The following NTRK2 variants were observed in gnomAD, a reference collection of about 807,000 sequenced individuals.
NTRK2 encodes BDNF/NT-3 growth factors receptor.
In NTRK2, 13 loss-of-function variants were observed where a neutral mutation model predicts 94.5. The observed-to-expected ratio is 0.14, with a 90% CI of 0.09 to 0.22. The LOEUF (loss-of-function observed/expected upper bound fraction) is 0.22, where lower values mean the gene tolerates loss of function less well. Among genes scored for constraint, NTRK2 ranks in the 10% least tolerant of loss-of-function variants. The probability of loss-of-function intolerance (pLI) is 1.00; values close to 1 mark genes in which losing one functional copy is unlikely to be tolerated. For missense variants in NTRK2, 639 were observed against 1,071.2 expected (o/e 0.60, Z 5.63); for synonymous variants, 372 against 407.4 (o/e 0.91, Z 1.05).
At chr9:84,745,225 C>A in intron 11 of NTRK2, 152 bp downstream of exon 11, 1 of 709,930 alleles carries the variant, frequency 1.4e-6, no homozygotes, top group Non-Finnish European at 2.6e-6. Flanking sequence ...AAAGGCTTAA[C>A]AAAAGTGATA....
At chr9:84,748,416 A>G (rs965015476) in intron 11 of NTRK2, among the ~76,000 whole-genome samples, 2 of 152,250 alleles carry the variant, frequency 1.3e-5, no homozygotes, top group Non-Finnish European at 2.9e-5. Context: ...CCCATTTTCT[A>G]GGTTGACTTA....
chr9:84,978,772 C>G (rs981067530), intron 17 of NTRK2, among the ~76,000 whole-genome samples: 7 of 152,220 alleles, frequency 4.6e-5, no homozygotes, highest in Admixed American at 1.3e-4. Context: ...TCAGCTGACT[C>G]TCTTGTTAGG....
intron 14 of NTRK2, among the ~76,000 whole-genome samples, chr9:84,917,820 C>T (rs544870845): frequency 1.6e-4 from 25 of 152,250 alleles, no homozygotes; most frequent in South Asian, 6.2e-4. Context: ...AACAGTCAGG[C>T]GCCAGAGAGA....
At chr9:84,702,611 G>A (rs1215342809) in intron 4 of NTRK2, among the ~76,000 whole-genome samples, 192 bp downstream of exon 4, 1 of 152,138 alleles carries the variant, frequency 6.6e-6, no homozygotes, top group Non-Finnish European at 1.5e-5. Context: ...CTTAGAACAG[G>A]CTGTTTATTC....
At chr9:84,824,025 G>A (rs920959279) in intron 12 of NTRK2, among the ~76,000 whole-genome samples, 1 of 152,220 alleles carries the variant, frequency 6.6e-6, no homozygotes, top group Non-Finnish European at 1.5e-5. Context: ...GCAGGAGTAT[G>A]ATTTGAGCCA....
intron 12 of NTRK2, among the ~76,000 whole-genome samples, chr9:84,804,178 C>A (rs961291431): frequency 2.0e-5 from 3 of 152,108 alleles, no homozygotes; most frequent in Non-Finnish European, 4.4e-5. Flanking sequence ...ATTTATCTTC[C>A]TGTTTTGGAG....
At chr9:84,882,722 G>GCGCGCGCGCGCA (rs2076296330) in intron 14 of NTRK2, among the ~76,000 whole-genome samples, 1 of 149,808 alleles carries the variant, frequency 6.7e-6, no homozygotes, top group Non-Finnish European at 1.5e-5. Context: ...GTGTGTGTGC[G>GCGCGCGCGCGCA]CGCGCGCGCG....
chr9:84,945,091 C>G lies in NTRK2; in HGVS notation c.1765-3371C>G, dbSNP rs1024147492. Among the ~76,000 whole-genome samples, 6 of 152,278 alleles carry G rather than the reference C, an allele frequency of 3.9e-5. No individual in the cohort carries two copies. In the East Asian group the frequency reaches 7.7e-4, roughly 20 times the overall value. On this transcript the variant is annotated intron_variant, in intron 15 of 18. Transcript: ENST00000277120. ...CTGGAAGGGGAACACAAGTTTGGGG[C>G]CAACTCTCCAGGAGAGAGTGCATTT...
intron 12 of NTRK2, among the ~76,000 whole-genome samples, chr9:84,789,119 G>A (rs1316553640): frequency 6.6e-6 from 1 of 152,186 alleles, no homozygotes; most frequent in Non-Finnish European, 1.5e-5. Flanking sequence ...GAACAGCTAG[G>A]TTCTGATTTG....
chr9:84,898,276 C>A (rs922621042), intron 14 of NTRK2, among the ~76,000 whole-genome samples: 8 of 152,270 alleles, frequency 5.3e-5, no homozygotes, highest in Non-Finnish European at 4.4e-5. Flanking sequence ...CAGAAGTCAA[C>A]TCCAGTTTAC....
chr9:84,995,690 T>C (rs113680529), intron 17 of NTRK2, among the ~76,000 whole-genome samples: 3,650 of 152,304 alleles, frequency 0.024, 79 homozygotes, highest in Middle Eastern at 0.051. Flanking sequence ...CTAAATATAC[T>C]ACATATATAA....
rs565900560 is a variant in NTRK2, at chr9:84,952,162, C to T, written c.1938-3121C>T. On this transcript the variant is annotated intron_variant, in intron 16 of 18. Coordinates refer to ENST00000277120, the MANE Select transcript of NTRK2 (RefSeq NM_006180.6). ...CATCCTTGCCGTCATTCCTACGTTA[C>T]AGTTGGGGAAACTGAATCACACAGG... 1.1e-4 allele frequency among the ~76,000 whole-genome samples: 17 copies of T among 152,340 alleles called. No individual in the cohort carries two copies. The South Asian group carries it at 3.5e-3, about 32-fold the overall frequency.
intron 12 of NTRK2, among the ~76,000 whole-genome samples, chr9:84,818,379 A>G (rs1032353359): frequency 6.6e-6 from 1 of 152,186 alleles, no homozygotes; most frequent in Non-Finnish European, 1.5e-5. Flanking sequence ...CACTCCTACT[A>G]GCACTGGCAG....
Position 84,839,631 on chromosome 9 carries a change from G to C in NTRK2, c.1397-21409G>C, listed in dbSNP as rs534402464. ...CAGGCCATGTGCTGAATCGGGCTGA[G>C]CGTTAGTTTTTATGATGTGGAGCTG... On this transcript the variant is annotated intron_variant, in intron 12 of 18. Coordinates refer to ENST00000277120, the MANE Select transcript of NTRK2 (RefSeq NM_006180.6). Among the ~76,000 whole-genome samples, 7 of 152,306 alleles carry C rather than the reference G, an allele frequency of 4.6e-5. No homozygotes were observed. In the South Asian group the frequency reaches 1.4e-3, roughly 32 times the overall value.
intron 14 of NTRK2, among the ~76,000 whole-genome samples, chr9:84,900,788 CATT>C (rs2076903574): frequency 6.6e-6 from 1 of 152,196 alleles, no homozygotes; most frequent in South Asian, 2.1e-4. Context: ...ACAAAGGCCT[CATT>C]GTATCGATTC....
intron 4 of NTRK2, among the ~76,000 whole-genome samples, chr9:84,705,228 A>G (rs73482767): frequency 2.0e-5 from 3 of 151,944 alleles, no homozygotes; most frequent in African/African-American, 7.3e-5. Flanking sequence ...TGAGCATCAC[A>G]TGGGGACTGC....
At chr9:84,955,914 G>T (rs988580813) in intron 17 of NTRK2, among the ~76,000 whole-genome samples, 12 of 152,164 alleles carry the variant, frequency 7.9e-5, no homozygotes, top group African/African-American at 2.9e-4. Flanking sequence ...GGCCCTGGAG[G>T]TGAGGTTATC....
At chr9:84,756,117 G>A (rs1228026528) in intron 12 of NTRK2, among the ~76,000 whole-genome samples, 1 of 151,900 alleles carries the variant, frequency 6.6e-6, no homozygotes, top group Non-Finnish European at 1.5e-5. Flanking sequence ...AATCTATGTC[G>A]GTATCAATAT....
chr9:85,003,007 G>C (rs1241390850), intron 17 of NTRK2, among the ~76,000 whole-genome samples: 1 of 152,154 alleles, frequency 6.6e-6, no homozygotes, highest in Non-Finnish European at 1.5e-5. Context: ...GAGTGAGCTT[G>C]GTGAATCAGC....
Sources: gnomAD v4.1 joint callset for allele counts (sites outside exome capture counted in the v4.1 genomes callset) on GRCh38, gnomAD v4.1.1 for gene constraint, MANE v1.5 for transcripts, NCBI Gene and HGNC (gene_info 2026-07-23, HGNC 2026-07-21) for gene names.